Variants in LYRM4 observed in about 807,000 individuals in gnomAD.
The protein encoded by LYRM4 is LYR motif containing 4.
LYRM4 carries 9 observed loss-of-function variants against 11.7 expected under a neutral mutation model. The ratio of observed to expected loss-of-function variants is 0.77; its 90% confidence interval spans 0.46 to 1.34. The LOEUF (loss-of-function observed/expected upper bound fraction) is 1.34. LYRM4 is among the 40% of genes most tolerant of loss of function. The pLI is 0.00. For missense variants in LYRM4, 133 were observed against 112.5 expected (o/e 1.18, Z -0.82); for synonymous variants, 42 against 40.4 (o/e 1.04, Z -0.15).
intron 2 of LYRM4, among the ~76,000 whole-genome samples, chr6:5,165,809 C>T (rs190607003): frequency 6.6e-6 from 1 of 152,272 alleles, no homozygotes; most frequent in Admixed American, 6.5e-5. Context: ...TCCCAAAGTG[C>T]TGGAATTACA....
the LYRM4 span, among the ~76,000 whole-genome samples, chr6:5,095,881 G>A: frequency 6.6e-6 from 1 of 152,178 alleles, no homozygotes. Context: ...TCGGGAGGCT[G>A]AGGCAGGAGA....
At chr6:5,101,994 T>G (rs1762520220), downstream of LYRM4, among the ~76,000 whole-genome samples, 1 of 146,030 alleles carries the variant, frequency 6.8e-6, no homozygotes. Flanking sequence ...TGGAGAGTTA[T>G]GTTGCCTAGG....
intron 2 of LYRM4, among the ~76,000 whole-genome samples, chr6:5,110,539 C>T (rs439911): frequency 0.72 from 109,401 of 152,078 alleles, 39,711 homozygotes; most frequent in East Asian, 0.93. Flanking sequence ...AGGTCCGTGG[C>T]ATGGATAATA....
chr6:5,174,320 C>A (rs1581435543), intron 2 of LYRM4, among the ~76,000 whole-genome samples: 1 of 152,146 alleles, frequency 6.6e-6, no homozygotes, highest in Non-Finnish European at 1.5e-5. Context: ...AATTTTACCC[C>A]TACAGGGCAT....
At chr6:5,114,870 A>G (rs1763049181) in intron 2 of LYRM4, among the ~76,000 whole-genome samples, 2 of 152,210 alleles carry the variant, frequency 1.3e-5, no homozygotes, top group Non-Finnish European at 2.9e-5. Context: ...AGCTTGCTCT[A>G]AATATTTAGT....
chr6:5,154,800 C>CAG (rs1224814875), intron 2 of LYRM4, among the ~76,000 whole-genome samples: 3 of 151,974 alleles, frequency 2.0e-5, no homozygotes, highest in Non-Finnish European at 2.9e-5. Flanking sequence ...GCCTGGGCGA[C>CAG]AGAGCGAGAC....
intron 2 of LYRM4, among the ~76,000 whole-genome samples, chr6:5,185,712 C>T (rs1235921096): frequency 1.3e-5 from 2 of 152,166 alleles, no homozygotes; most frequent in African/African-American, 4.8e-5. Flanking sequence ...TGTCCGGTTT[C>T]AACACCTGTG....
At chr6:5,245,114 A>AAAAATATATATATATG (rs1764114836) in intron 1 of LYRM4, among the ~76,000 whole-genome samples, 1 of 12,044 alleles carries the variant, frequency 8.3e-5, no homozygotes, top group Non-Finnish European at 1.5e-4. Context: ...AAAAAAAAAA[A>AAAAATATATATATATG]TATATATATA....
At chr6:5,205,650 T>C (rs1377979713) in intron 2 of LYRM4, among the ~76,000 whole-genome samples, 1 of 152,238 alleles carries the variant, frequency 6.6e-6, no homozygotes, top group Non-Finnish European at 1.5e-5. Flanking sequence ...TAATAGCTGA[T>C]ACTTATTTTT....
At chr6:5,105,717 G>C (rs1762643551), downstream of LYRM4, 1 of 152,514 alleles carries the variant, frequency 6.6e-6, no homozygotes. Flanking sequence ...AGGAGGCTGA[G>C]GCAGGAGAAT....
At chr6:5,186,656 CAA>C in intron 2 of LYRM4, 4 of 985,372 alleles carry the variant, frequency 4.1e-6, no homozygotes, top group Non-Finnish European at 4.8e-6. Context: ...ACACAAAATT[CAA>C]AGACAATGAA....
At chr6:5,034,753 C>CTTTTTTTTTTTTTTTTTTTTTTTTTT in the LYRM4 span, 5 of 93,852 alleles carry the variant, frequency 5.3e-5, 1 homozygote, top group African/African-American at 2.5e-4. Context: ...TACAGCAATG[C>CTTTTTTTTTTTTTTTTTTTTTTTTTT]TTTTTTTTTT....
At chr6:5,124,713 A>C (rs1273016922) in intron 2 of LYRM4, among the ~76,000 whole-genome samples, 2 of 152,010 alleles carry the variant, frequency 1.3e-5, no homozygotes, top group African/African-American at 4.8e-5. Flanking sequence ...TCCCTGACCC[A>C]CCTCCCTGCC....
At chr6:5,051,614 G>T in the LYRM4 span, among the ~76,000 whole-genome samples, 1 of 152,302 alleles carries the variant, frequency 6.6e-6, no homozygotes, top group East Asian at 1.9e-4. Flanking sequence ...AAATGAGGAA[G>T]AAATTAAGAC....
the LYRM4 span, among the ~76,000 whole-genome samples, chr6:5,046,812 G>A: frequency 6.6e-6 from 1 of 152,150 alleles, no homozygotes; most frequent in African/African-American, 2.4e-5. Flanking sequence ...CCACACGGTG[G>A]GGCATGGTAG....
the LYRM4 span, among the ~76,000 whole-genome samples, chr6:5,035,491 C>T: frequency 6.7e-6 from 1 of 150,180 alleles, no homozygotes; most frequent in African/African-American, 2.5e-5. Context: ...ACACTCTCCT[C>T]CACCTCCCCC....
At chr6:5,186,036 C>G (rs143528764) in intron 2 of LYRM4, among the ~76,000 whole-genome samples, 327 of 152,244 alleles carry the variant, frequency 2.1e-3, no homozygotes, top group Non-Finnish European at 3.5e-3. Flanking sequence ...TTTTGGCATG[C>G]CTGGAACCCT....
At chr6:5,122,035 G>A (rs988846480) in intron 2 of LYRM4, among the ~76,000 whole-genome samples, 1 of 152,036 alleles carries the variant, frequency 6.6e-6, no homozygotes, top group Non-Finnish European at 1.5e-5. Context: ...TTTCAAAGTC[G>A]ACTTGAACCA....
chr6:5,109,619 C>T, intron 2 of LYRM4, 128 bp from the exon 3 acceptor site: 2 of 907,822 alleles, frequency 2.2e-6, no homozygotes, highest in Non-Finnish European at 3.5e-6. Flanking sequence ...CTTCCGGCAA[C>T]TGCACTGCGG....
Sources: gnomAD v4.1 joint callset for allele counts (sites outside exome capture counted in the v4.1 genomes callset) on GRCh38, gnomAD v4.1.1 for gene constraint, MANE v1.5 for transcripts, NCBI Gene and HGNC (gene_info 2026-07-23, HGNC 2026-07-21) for gene names.